The following TYW1 variants were observed in gnomAD, a reference collection of about 807,000 sequenced individuals.
The protein encoded by TYW1 is S-adenosyl-L-methionine-dependent tRNA 4-demethylwyosine synthase TYW1.
Under a neutral mutation model 96.2 loss-of-function variants are expected in TYW1, and 46 were observed. That is an observed-to-expected ratio of 0.48 (90% CI 0.38 to 0.61). TYW1 has a LOEUF of 0.61. Among genes scored for constraint, TYW1 ranks in the 20% least tolerant of loss-of-function variants. The pLI is 0.00. For synonymous variants in TYW1, 274 were observed against 323.0 expected (o/e 0.85, Z 1.63); for missense variants, 684 against 909.6 (o/e 0.75, Z 3.19).
rs536134787 is a variant in TYW1, at chr7:67,136,253, A to G, written c.1698+18635A>G. Among the ~76,000 whole-genome samples, 1,002 of 152,288 alleles carry G rather than the reference A, an allele frequency of 6.6e-3. 9 individuals carry two copies. The highest frequency in any genetic ancestry group is 0.023 in the African/African-American group (936 of 41,538). ...ACCATAACCGTTTCCAGAACACAGA[A>G]GTTAGTCCTGCTACCTAAAGTTATC... On this transcript the variant is annotated intron_variant, in intron 13 of 15. Transcript: ENST00000359626.
At chr7:67,148,712 T>G (rs938756861) in intron 13 of TYW1, among the ~76,000 whole-genome samples, 4 of 152,168 alleles carry the variant, frequency 2.6e-5, no homozygotes, top group Non-Finnish European at 4.4e-5. Flanking sequence ...ATTACAGGCG[T>G]GAGCCACTGT....
rs544883950 is a variant in TYW1, at chr7:67,102,656, A to T, written c.1562+3938A>T. The stretch of plus-strand genomic sequence containing the variant: ...AGGAAATAGAGGTTACACTTTTGGA[A>T]TTTTTTTTTTTTTGAGATGGAGTCT... On this transcript the variant is annotated intron_variant, in intron 12 of 15. Transcript: ENST00000359626. Among the ~76,000 whole-genome samples the T allele has an allele frequency of 2.7e-5, 4 of 146,792 alleles. No homozygotes were observed. In the South Asian group the frequency reaches 6.5e-4, roughly 24 times the overall value.
intron 13 of TYW1, among the ~76,000 whole-genome samples, chr7:67,138,699 C>T (rs1341368153): frequency 6.6e-6 from 1 of 152,082 alleles, no homozygotes; most frequent in Non-Finnish European, 1.5e-5. Flanking sequence ...TTTGATTTTT[C>T]GATCCCACAG....
At position 67,056,433 on chromosome 7, in the gene TYW1, A is replaced by AAC. The variant is rs1562988476; in HGVS notation, c.1155+546_1155+547insAC. On this transcript the variant is annotated intron_variant, in intron 9 of 15. Coordinates refer to ENST00000359626, the MANE Select transcript of TYW1 (RefSeq NM_018264.4). ...CTTGAACCCAGGAGGCAGAGGTTTC[A>AAC]GTGAGCCCAGATCTTGCCACTGCAC... Among the ~76,000 whole-genome samples, 4 of 151,366 alleles carry AAC rather than the reference A, an allele frequency of 2.6e-5. No homozygotes were observed. The East Asian group carries it at 7.8e-4, about 29-fold the overall frequency.
chr7:67,064,286 T>C (rs189195870), intron 9 of TYW1, among the ~76,000 whole-genome samples: 2 of 152,340 alleles, frequency 1.3e-5, no homozygotes, highest in Non-Finnish European at 2.9e-5. Flanking sequence ...TTCACTCTGA[T>C]CTTGTAGCTT....
chr7:67,213,322 T>C (rs1436814227), intron 15 of TYW1, among the ~76,000 whole-genome samples: 1 of 152,222 alleles, frequency 6.6e-6, no homozygotes, highest in Non-Finnish European at 1.5e-5. Flanking sequence ...TTCATGCCAC[T>C]GTGCCTGGCT....
rs892245600 is a variant in TYW1, at chr7:67,216,457, G to A, written c.1977+21120G>A. On this transcript the variant is annotated intron_variant, in intron 15 of 15. Transcript: ENST00000359626. ...GCCCAGAGGTGTGTCTAGTTCAGCC[G>A]AGATCGGGTGCGTTCAGGGTGGTAC... Among the ~76,000 whole-genome samples the A allele has an allele frequency of 2.9e-5, 4 of 139,162 alleles. 1 individual carries two copies. The highest frequency in any genetic ancestry group is 4.7e-5 in the Non-Finnish European group (3 of 64,354). The allele number at this position is 139,162 out of a possible 152,430, so 91.3% of individuals were successfully genotyped here.
At chr7:67,124,912 G>A (rs1190796363) in intron 13 of TYW1, among the ~76,000 whole-genome samples, 3 of 152,152 alleles carry the variant, frequency 2.0e-5, no homozygotes, top group Admixed American at 1.3e-4. Flanking sequence ...TTTGCTCACT[G>A]CACCCTCTGC....
At chr7:67,088,011 A>G (rs1182598623) in intron 11 of TYW1, among the ~76,000 whole-genome samples, 1 of 152,060 alleles carries the variant, frequency 6.6e-6, no homozygotes, top group Admixed American at 6.6e-5. Context: ...CTACAGGTGC[A>G]TGCTACCGCG....
chr7:67,086,418 C>A (rs1354079050), intron 11 of TYW1, among the ~76,000 whole-genome samples: 1 of 151,896 alleles, frequency 6.6e-6, no homozygotes, highest in African/African-American at 2.4e-5. Flanking sequence ...AAAACAGAAC[C>A]AGTGGGTGTA....
At chr7:67,045,611 G>C (rs1795165007) in intron 7 of TYW1, among the ~76,000 whole-genome samples, 1 of 152,240 alleles carries the variant, frequency 6.6e-6, no homozygotes, top group Non-Finnish European at 1.5e-5. Context: ...AGTCCTGTCA[G>C]TTTATAAAGA....
chr7:67,228,064 G>A (rs1258018630), intron 15 of TYW1, among the ~76,000 whole-genome samples: 1 of 152,184 alleles, frequency 6.6e-6, no homozygotes, highest in Non-Finnish European at 1.5e-5. Flanking sequence ...TAACTGCAAT[G>A]TGGGAGTAGC....
At chr7:67,158,316 T>G (rs1326545104) in intron 13 of TYW1, among the ~76,000 whole-genome samples, 1 of 152,138 alleles carries the variant, frequency 6.6e-6, no homozygotes, top group African/African-American at 2.4e-5. Flanking sequence ...CTCAAACTCC[T>G]GACCTTGTGA....
At chr7:67,060,065 G>C (rs1795648873) in intron 9 of TYW1, among the ~76,000 whole-genome samples, 1 of 137,848 alleles carries the variant, frequency 7.3e-6, no homozygotes, top group Non-Finnish European at 1.5e-5. Context: ...GAGCCACCGT[G>C]CCCGGCCCTG....
At chr7:67,045,829 A>AGGAGAAATCAAGGCCGT (rs2129259220) in intron 7 of TYW1, among the ~76,000 whole-genome samples, 1 of 152,314 alleles carries the variant, frequency 6.6e-6, no homozygotes, top group South Asian at 2.1e-4. Flanking sequence ...ATTGTCCCTT[A>AGGAGAAATCAAGGCCGT]GGAGAAATCA....
At chr7:67,130,933 C>T (rs1469863843) in intron 13 of TYW1, among the ~76,000 whole-genome samples, 1 of 152,138 alleles carries the variant, frequency 6.6e-6, no homozygotes, top group African/African-American at 2.4e-5. Context: ...ATTGAAAAGT[C>T]CCCTAGGGAA....
intron 15 of TYW1, among the ~76,000 whole-genome samples, chr7:67,197,966 G>GC (rs1239796122): frequency 4.3e-5 from 1 of 23,208 alleles, no homozygotes; most frequent in Admixed American, 4.7e-4. Context: ...CCTGCCCCCC[G>GC]CCCCCGCAGC....
intron 11 of TYW1, among the ~76,000 whole-genome samples, chr7:67,095,583 G>A (rs572195777): frequency 7.2e-5 from 11 of 151,900 alleles, no homozygotes; most frequent in South Asian, 4.2e-4. Context: ...GCTTGAACCC[G>A]GGAGGCGGAG....
At chr7:67,090,090 A>G (rs931419593) in intron 11 of TYW1, among the ~76,000 whole-genome samples, 1 of 152,250 alleles carries the variant, frequency 6.6e-6, no homozygotes, top group African/African-American at 2.4e-5. Flanking sequence ...GGCTAGAAGC[A>G]AAGTACTGCA....
Sources: allele counts gnomAD v4.1 joint callset (sites outside exome capture counted in the v4.1 genomes callset), GRCh38; gene constraint gnomAD v4.1.1; transcripts MANE v1.5; gene names NCBI Gene and HGNC (gene_info 2026-07-23, HGNC 2026-07-21).